MITF: variants seen among roughly 807,000 people sequenced by gnomAD.
The protein encoded by MITF is melanocyte inducing transcription factor.
Under a neutral mutation model 60.5 loss-of-function variants are expected in MITF, and 17 were observed. That is an observed-to-expected ratio of 0.28 (90% CI 0.19 to 0.42). The LOEUF (loss-of-function observed/expected upper bound fraction) is 0.42. MITF is among the 10% of genes least tolerant of loss of function. The probability of loss-of-function intolerance (pLI) is 1.00; values close to 1 mark genes in which losing one functional copy is unlikely to be tolerated. For missense variants in MITF, 622 were observed against 683.5 expected, an observed-to-expected ratio of 0.91 and a Z score of 1.00; for synonymous variants, 260 against 248.5, an observed-to-expected ratio of 1.05 and a Z score of -0.43.
intron 2 of MITF, among the ~76,000 whole-genome samples, chr3:69,903,001 G>A (rs1279600140): frequency 6.6e-6 from 1 of 152,114 alleles, no homozygotes; most frequent in Non-Finnish European, 1.5e-5. Context: ...TTATTTCAAT[G>A]TTGTTTGTAG....
chr3:69,818,539 G>T (rs2063217319), intron 1 of MITF, among the ~76,000 whole-genome samples: 1 of 151,972 alleles, frequency 6.6e-6, no homozygotes, highest in Admixed American at 6.6e-5. Context: ...TTACTCACAT[G>T]CCCACCTTTC....
At chr3:69,831,523 A>G (rs115779786) in intron 1 of MITF, among the ~76,000 whole-genome samples, 1,578 of 152,278 alleles carry the variant, frequency 0.01, 32 homozygotes, top group African/African-American at 0.036. Flanking sequence ...TAGGTAACTA[A>G]TCTGGGTCCT....
At chr3:69,826,163 A>G (rs1014793694) in intron 1 of MITF, among the ~76,000 whole-genome samples, 1 of 152,134 alleles carries the variant, frequency 6.6e-6, no homozygotes, top group African/African-American at 2.4e-5. Flanking sequence ...CTAATTGAAC[A>G]TTACCTGCAC....
rs144542977 is a variant in MITF at position 69,855,054 on chromosome 3, A to T, written c.105-24080A>T. On this transcript the variant is annotated intron_variant, in intron 1 of 9. Transcript: ENST00000352241. ...TAGTTGACTTTTACTGGTCCTGGAG[A>T]CCAGCCCCCTCATGTTGTAAGCATG... is the stretch of plus-strand genomic sequence containing the variant. Among the ~76,000 whole-genome samples, 341 of 151,856 alleles carry T rather than the reference A, an allele frequency of 2.2e-3. 1 individual carries two copies. Among genetic ancestry groups the T allele is most frequent in the South Asian group, 3.6e-3 (17 of 4,786 alleles).
chr3:69,956,424 T>TAATA, intron 7 of MITF, 31 bp from the exon 8 acceptor site: 1 of 1,567,520 alleles, frequency 6.4e-7, no homozygotes. Flanking sequence ...GCACTGTTAC[T>TAATA]AATAGCCTTT....
chr3:69,842,241 A>G (rs573227447), intron 1 of MITF, among the ~76,000 whole-genome samples: 27 of 152,188 alleles, frequency 1.8e-4, no homozygotes, highest in Non-Finnish European at 4.0e-4. Flanking sequence ...ATCATGCAGT[A>G]GACAACACAC....
At chr3:69,946,674 A>G (rs2066104541) in intron 5 of MITF, among the ~76,000 whole-genome samples, 1 of 152,172 alleles carries the variant, frequency 6.6e-6, no homozygotes, top group Non-Finnish European at 1.5e-5. Context: ...AGTATGGGAA[A>G]AGCAGCCGAA....
chr3:69,794,113 CAG>C (rs1006774855), intron 1 of MITF, among the ~76,000 whole-genome samples: 2 of 152,204 alleles, frequency 1.3e-5, no homozygotes, highest in Non-Finnish European at 2.9e-5. Context: ...ATCTTTTCTA[CAG>C]AGTCTCCCCC....
chr3:69,794,667 T>G (rs1420352977), intron 1 of MITF, among the ~76,000 whole-genome samples: 1 of 152,166 alleles, frequency 6.6e-6, no homozygotes, highest in Non-Finnish European at 1.5e-5. Context: ...ATTTGTTTAT[T>G]TATTTATACA....
At chr3:69,763,410 G>A (rs1351029539) in intron 1 of MITF, 2 of 526,686 alleles carry the variant, frequency 3.8e-6, no homozygotes, top group Non-Finnish European at 5.2e-6. Flanking sequence ...TTGATGTAAA[G>A]TCTATTTTAC....
At chr3:69,782,703 A>G (rs1340895569) in intron 1 of MITF, among the ~76,000 whole-genome samples, 1 of 152,182 alleles carries the variant, frequency 6.6e-6, no homozygotes, top group Non-Finnish European at 1.5e-5. Flanking sequence ...TCCCTGATTA[A>G]ATATTCTCTA....
chr3:69,815,125 C>T (rs1294769553), intron 1 of MITF, among the ~76,000 whole-genome samples: 1 of 152,152 alleles, frequency 6.6e-6, no homozygotes, highest in Non-Finnish European at 1.5e-5. Context: ...TACAATATGA[C>T]CCAAGACCTC....
chr3:69,783,536 C>T (rs1455410942), intron 1 of MITF, among the ~76,000 whole-genome samples: 2 of 150,478 alleles, frequency 1.3e-5, no homozygotes, highest in African/African-American at 4.9e-5. Context: ...GATTATTTCT[C>T]TTTTATTAAA....
intron 5 of MITF, among the ~76,000 whole-genome samples, chr3:69,946,507 C>T (rs947969956): frequency 2.6e-5 from 4 of 152,214 alleles, no homozygotes; most frequent in African/African-American, 9.6e-5. Context: ...TAGGCAATGG[C>T]AAAAATCTTG....
At chr3:69,769,025 T>G (rs1017322927) in intron 1 of MITF, among the ~76,000 whole-genome samples, 4 of 152,186 alleles carry the variant, frequency 2.6e-5, no homozygotes, top group Non-Finnish European at 4.4e-5. Flanking sequence ...CTGCACTGAT[T>G]GGTGGCTGTG....
chr3:69,855,044 G>T (rs984133205), intron 1 of MITF, among the ~76,000 whole-genome samples: 5 of 151,926 alleles, frequency 3.3e-5, no homozygotes, highest in African/African-American at 1.2e-4. Flanking sequence ...GACTTTTACT[G>T]GTCCTGGAGA....
At chr3:69,838,191 A>G (rs1040614605) in intron 1 of MITF, among the ~76,000 whole-genome samples, 2 of 152,156 alleles carry the variant, frequency 1.3e-5, no homozygotes, top group Admixed American at 6.5e-5. Flanking sequence ...ATTTTAAAAG[A>G]TGGTTTGTCA....
intron 2 of MITF, among the ~76,000 whole-genome samples, chr3:69,928,310 C>G (rs1340397008): frequency 1.3e-5 from 2 of 152,074 alleles, no homozygotes; most frequent in African/African-American, 2.4e-5. Context: ...ACAGTTCTAC[C>G]TATTTATTTT....
intron 2 of MITF, among the ~76,000 whole-genome samples, chr3:69,916,481 C>T (rs1383825900): frequency 6.6e-6 from 1 of 152,142 alleles, no homozygotes; most frequent in Non-Finnish European, 1.5e-5. Flanking sequence ...AACACAAACA[C>T]AGTCCTCCTT....
Sources: allele counts gnomAD v4.1 joint callset (sites outside exome capture counted in the v4.1 genomes callset), GRCh38; gene constraint gnomAD v4.1.1; transcripts MANE v1.5; gene names NCBI Gene and HGNC (gene_info 2026-07-23, HGNC 2026-07-21).